CYTH2: variants seen among roughly 807,000 people sequenced by gnomAD.
CYTH2 encodes the protein cytohesin 2.
In CYTH2, 24 loss-of-function variants were observed where a neutral mutation model predicts 55.4. That is an observed-to-expected ratio of 0.43 (90% CI 0.31 to 0.61). The LOEUF is 0.61. Ranked by LOEUF, CYTH2 falls within the 20% of genes least tolerant of loss-of-function variation. CYTH2 has a pLI of 0.08. For synonymous variants in CYTH2, 221 were observed against 209.6 expected (o/e 1.05, Z -0.47); for missense variants, 378 against 533.5 (o/e 0.71, Z 2.87).
Position 48,474,995 on chromosome 19 carries a change from T to C in CYTH2, c.808+46T>C. On this transcript the variant is annotated intron_variant, in intron 8 of 11. Transcript: ENST00000452733. The surrounding 1 kb of genome is among the most constrained non-coding windows in gnomAD (Gnocchi z 4.9). ...GCTGGTCCCTCCGCAGGAGGACATT[T>C]GTGGGCCTGGGCCCTGGACTCAGCT... The C allele has an allele frequency of 6.4e-7, 1 of 1,570,390 alleles. No individual in the cohort carries two copies. Among genetic ancestry groups the C allele is most frequent in the African/African-American group, 1.4e-5 (1 of 73,748 alleles).
In CYTH2 at chr19:48,478,092, C is replaced by T. The variant is rs1188088624; in HGVS notation, c.832C>T (p.Arg278Trp). ...KLGGRVKTWKRRWFILTDNCL... is the reference protein window; with the variant it reads ...KLGGRVKTWKWRWFILTDNCL... The stretch of plus-strand genomic sequence containing the variant: ...AGGGGGCCGGGTGAAGACGTGGAAG[C>T]GGCGCTGGTTTATCCTCACAGACAA... The change falls in exon 9 of 12, where the codon CGG becomes TGG. Residue 278 changes from arginine (R) to tryptophan (W), a missense_variant. Coordinates refer to ENST00000452733, the MANE Select transcript of CYTH2 (RefSeq NM_004228.7). 5 of 1,614,082 alleles carry T rather than the reference C, an allele frequency of 3.1e-6. No homozygotes were observed. Among genetic ancestry groups the T allele is most frequent in the Non-Finnish European group, 2.5e-6 (3 of 1,179,968 alleles).
At position 48,478,056 on chromosome 19, in the gene CYTH2, C is replaced by A; in HGVS notation, c.809-13C>A. The A allele has an allele frequency of 6.2e-7, 1 of 1,613,134 alleles. No homozygotes were observed. The highest frequency in any genetic ancestry group is 1.7e-5 in the Admixed American group (1 of 60,010). ...TGTTGAGCCCAGGCCCCCTCCCACC[C>A]CTTCCCTTTCAGGGGGCCGGGTGAA... is the stretch of plus-strand genomic sequence containing the variant. On this transcript the variant is annotated splice_polypyrimidine_tract_variant and intron_variant, in intron 8 of 11. Transcript: ENST00000452733.
chr19:48,469,479 C>G lies in CYTH2; in HGVS notation c.-29C>G, dbSNP rs1216795743. 1.8e-5 allele frequency: 23 copies of G among 1,313,702 alleles called. No homozygotes were observed. The highest frequency in any genetic ancestry group is 2.1e-5 in the Non-Finnish European group (22 of 1,023,500). 81.4% of individuals were successfully genotyped at this position (1,313,702 alleles called of 1,614,324 possible). A position where few individuals can be genotyped will look rare whatever the true frequency, so the allele number is the denominator to read the frequency against. On this transcript the variant is annotated 5_prime_UTR_variant, in exon 1 of 12. Transcript: ENST00000452733. ...CCAGGCCCGACTGGCGGGACCGCCC[C>G]GGATTCCCCGCGGGCCTTCCTAGCC...
chr19:48,474,912 C>T lies in CYTH2; in HGVS notation c.771C>T (p.Phe257=). 6.2e-7 allele frequency: 1 copy of T among 1,614,230 alleles called. No homozygotes were observed. The highest frequency in any genetic ancestry group is 8.5e-7 in the Non-Finnish European group (1 of 1,180,036). Residue 257 remains phenylalanine (F), a synonymous_variant, in exon 8 of 12, where the codon TTC becomes TTT. Coordinates refer to ENST00000452733, the MANE Select transcript of CYTH2 (RefSeq NM_004228.7). The surrounding 1 kb of genome is among the most constrained non-coding windows in gnomAD (Gnocchi z 4.9). The stretch of plus-strand genomic sequence containing the variant: ...ACGGGAATGACCTGACCCACACCTT[C>T]TTCAACCCGGACCGGGAGGGCTGGC... ...EDDGNDLTHT[F]FNPDREGWLL... is the part of the protein sequence containing the mutation.
chr19:48,471,014 G>A (rs1340061934), intron 3 of CYTH2, among the ~76,000 whole-genome samples: 2 of 152,136 alleles, frequency 1.3e-5, no homozygotes, highest in East Asian at 1.9e-4. Context: ...CAAAGGTGCC[G>A]TGACGGAGGA....
At chr19:48,469,613 C>T in intron 1 of CYTH2, 87 bp downstream of exon 1, 1 of 1,311,748 alleles carries the variant, frequency 7.6e-7, no homozygotes, top group Non-Finnish European at 9.8e-7. Flanking sequence ...CCCTGGCGCG[C>T]GGCGCCCAGA....
At chr19:48,472,835 TGTG>T (rs1365327398) in intron 4 of CYTH2, 3 of 350,046 alleles carry the variant, frequency 8.6e-6, no homozygotes, top group African/African-American at 4.3e-5. Context: ...GCTTAGGAGT[TGTG>T]GGGGTCATTT....
chr19:48,472,611 G>C (rs1354716181), intron 4 of CYTH2, 168 bp downstream of exon 4: 2 of 693,240 alleles, frequency 2.9e-6, no homozygotes, highest in Admixed American at 4.3e-5. Flanking sequence ...ACTGACATGG[G>C]CTAGGGGAGC....
chr19:48,479,965 T>C lies in CYTH2; in HGVS notation c.*755T>C, dbSNP rs1972017135. 6.6e-6 allele frequency: 1 copy of C among 152,394 alleles called. No homozygotes were observed. Among genetic ancestry groups the C allele is most frequent in the Non-Finnish European group, 1.5e-5 (1 of 68,180 alleles). The allele number at this position is 152,394 out of a possible 1,614,324, so 9.4% of individuals were successfully genotyped here. On this transcript the variant is annotated 3_prime_UTR_variant, in exon 12 of 12. Coordinates refer to ENST00000452733, the MANE Select transcript of CYTH2 (RefSeq NM_004228.7). The stretch of plus-strand genomic sequence containing the variant: ...CAGTGCCAGAGCCAGGCTTGTCTGT[T>C]CTCAAAGGATCAGCCTCCTTTGGAG...
At position 48,478,325 on chromosome 19, in the gene CYTH2, G is replaced by A; in HGVS notation, c.936G>A (p.Glu312=). ...CCCTGGAGAATCTGAGCATCCGAGAGGTGGACGACCCCCGGAAACCGGTAA... is the reference window on the plus strand; with the variant it reads ...CCCTGGAGAATCTGAGCATCCGAGAAGTGGACGACCCCCGGAAACCGGTAA... ...IIPLENLSIR[E]VDDPRKPNCF... Residue 312 remains glutamate (E), a synonymous_variant, in exon 10 of 12, where the codon GAG becomes GAA. Transcript: ENST00000452733. 3.7e-6 allele frequency: 6 copies of A among 1,614,006 alleles called. No homozygotes were observed. Among genetic ancestry groups the A allele is most frequent in the Non-Finnish European group, 4.2e-6 (5 of 1,180,004 alleles).
chr19:48,473,273 ATG>A, intron 4 of CYTH2, 23 bp from the exon 5 acceptor site: 2 of 1,613,002 alleles, frequency 1.2e-6, no homozygotes, highest in South Asian at 1.1e-5. Context: ...TCCAAACTGT[ATG>A]TGTCTTTGTC....
intron 1 of CYTH2, chr19:48,470,050 G>A (rs1971758428): frequency 1.6e-6 from 1 of 619,526 alleles, no homozygotes; most frequent in Admixed American, 2.1e-5. Context: ...CCAAGTAATG[G>A]ACCTAGAAGC....
chr19:48,473,204 A>G (rs1971839348), intron 4 of CYTH2, 94 bp from the exon 5 acceptor site: 1 of 1,355,174 alleles, frequency 7.4e-7, no homozygotes, highest in Non-Finnish European at 1.1e-6. Flanking sequence ...GCTGTGGTGC[A>G]GTAGAGGGGG....
At chr19:48,475,253 C>T (rs899822494) in intron 8 of CYTH2, 3 of 351,452 alleles carry the variant, frequency 8.5e-6, no homozygotes, top group African/African-American at 2.1e-5. Flanking sequence ...ATTGTCCTTT[C>T]GTGGGAGAAG....
chr19:48,478,340 G>A lies in CYTH2; in HGVS notation c.951G>A (p.Arg317=), dbSNP rs1252667458. ...GCATCCGAGAGGTGGACGACCCCCG[G>A]AAACCGGTAAGACCCTCTCTGTACA... ...NLSIREVDDP[R]KPNCFELYIP... Residue 317 remains arginine (R), a synonymous_variant, in exon 10 of 12, where the codon CGG becomes CGA. Coordinates refer to ENST00000452733, the MANE Select transcript of CYTH2 (RefSeq NM_004228.7). 1.2e-6 allele frequency: 2 copies of A among 1,614,006 alleles called. No homozygotes were observed. Among genetic ancestry groups the A allele is most frequent in the African/African-American group, 2.7e-5 (2 of 74,904 alleles).
chr19:48,471,298 C>G (rs1971787661), intron 3 of CYTH2, among the ~76,000 whole-genome samples: 2 of 152,036 alleles, frequency 1.3e-5, no homozygotes, highest in Non-Finnish European at 1.5e-5. Flanking sequence ...CTTACAGGCT[C>G]CCACCACCAT....
intron 4 of CYTH2, 24 bp downstream of exon 4, chr19:48,472,467 T>C: frequency 6.9e-6 from 11 of 1,601,740 alleles, no homozygotes; most frequent in South Asian, 1.1e-5. Flanking sequence ...TCAGCTCCTG[T>C]GGGGCCCCTC....
intron 3 of CYTH2, 62 bp from the exon 4 acceptor site, chr19:48,472,263 C>T (rs1971813035): frequency 2.0e-6 from 3 of 1,501,518 alleles, no homozygotes; most frequent in South Asian, 2.3e-5. Flanking sequence ...CTGAGGTTCC[C>T]AGGGAGGTGA....
Position 48,478,641 on chromosome 19 carries a change from T to A in CYTH2, c.1112+49T>A, listed in dbSNP as rs201751982. On this transcript the variant is annotated intron_variant, in intron 11 of 11. Transcript: ENST00000452733. ...ATGGAGGAGGGGCTGGGGCCTGGAC[T>A]CCTGGGTCTGATGGAGGAGGGGCAG... The A allele has an allele frequency of 1.0e-3, 1,538 of 1,475,652 alleles. 35 individuals are homozygous for A. The African/African-American group carries it at 0.022, about 21-fold the overall frequency. 91.4% of individuals were successfully genotyped at this position (1,475,652 alleles called of 1,614,324 possible). A position where few individuals can be genotyped will look rare whatever the true frequency, so the allele number is the denominator to read the frequency against.
Sources: allele counts gnomAD v4.1 joint callset (sites outside exome capture counted in the v4.1 genomes callset), GRCh38; gene constraint gnomAD v4.1.1; non-coding constraint Gnocchi (gnomAD v3.1); transcripts MANE v1.5; gene names NCBI Gene and HGNC (gene_info 2026-07-23, HGNC 2026-07-21).